RAB33B: variants seen among roughly 807,000 people sequenced by gnomAD.
RAB33B encodes ras-related protein Rab-33B.
A neutral mutation model predicts 15.0 loss-of-function variants in RAB33B; 6 were observed. The ratio of observed to expected loss-of-function variants is 0.40; its 90% confidence interval spans 0.22 to 0.79. The LOEUF is 0.79. Among genes scored for constraint, RAB33B ranks in the 30% least tolerant of loss-of-function variants. The pLI is 0.37. For missense variants in RAB33B, 257 were observed against 296.4 expected (o/e 0.87, Z 0.98); for synonymous variants, 117 against 108.3 (o/e 1.08, Z -0.50).
intron 1 of RAB33B, among the ~76,000 whole-genome samples, chr4:139,468,512 T>G (rs1237224913): frequency 6.6e-6 from 1 of 152,256 alleles, no homozygotes; most frequent in Non-Finnish European, 1.5e-5. Context: ...ATTGTATTGA[T>G]TATGTCTTGA....
intron 1 of RAB33B, among the ~76,000 whole-genome samples, chr4:139,461,360 A>G (rs886568804): frequency 6.6e-6 from 1 of 152,232 alleles, no homozygotes; most frequent in Non-Finnish European, 1.5e-5. Context: ...TGCATTCTCT[A>G]CAGAATCAGG....
In RAB33B at chr4:139,474,020, T is replaced by G. The variant is rs752137128; in HGVS notation, c.*894T>G. 5.4e-5 allele frequency: 8 copies of G among 148,966 alleles called. No individual in the cohort carries two copies. Among genetic ancestry groups the G allele is most frequent in the Non-Finnish European group, 1.0e-4 (7 of 67,498 alleles). The allele number at this position is 148,966 out of a possible 1,614,324, so 9.2% of individuals were successfully genotyped here. A position where few individuals can be genotyped will look rare whatever the true frequency, so the allele number is the denominator to read the frequency against. On this transcript the variant is annotated 3_prime_UTR_variant, in exon 2 of 2. Coordinates refer to ENST00000305626, the MANE Select transcript of RAB33B (RefSeq NM_031296.3). ...CCCAGGTTCAAGTGATTCTCCTGCC[T>G]CAGCCTCCCGAGTAGCTGGGATTAC...
At chr4:139,461,861 G>T (rs1750178927) in intron 1 of RAB33B, among the ~76,000 whole-genome samples, 1 of 151,306 alleles carries the variant, frequency 6.6e-6, no homozygotes, top group Admixed American at 6.6e-5. Flanking sequence ...CTGACTTCGT[G>T]CCACTGCACT....
chr4:139,472,270 A>G (rs1579183268), intron 1 of RAB33B, among the ~76,000 whole-genome samples: 1 of 152,206 alleles, frequency 6.6e-6, no homozygotes, highest in Non-Finnish European at 1.5e-5. Flanking sequence ...TCTCATAACA[A>G]CATCTTTCCT....
At chr4:139,452,295 A>C (rs1160442014), upstream of RAB33B, 1 of 152,264 alleles carries the variant, frequency 6.6e-6, no homozygotes, top group African/African-American at 2.4e-5. Flanking sequence ...TTCAAAGATT[A>C]AATTAGCAAT....
upstream of RAB33B, chr4:139,449,815 T>C (rs1471972545): frequency 3.9e-5 from 6 of 152,004 alleles, no homozygotes; most frequent in African/African-American, 1.5e-4. Flanking sequence ...CCTGGACTAA[T>C]AAAGAGAACG....
At chr4:139,440,615 A>AT in the RAB33B span, among the ~76,000 whole-genome samples, 3,361 of 144,716 alleles carry the variant, frequency 0.023, 67 homozygotes, top group African/African-American at 0.049. Flanking sequence ...AAATTGACCA[A>AT]TTTTTTTTTT....
upstream of RAB33B, chr4:139,448,995 G>A (rs13128827): frequency 0.28 from 42,384 of 152,044 alleles, 6,319 homozygotes; most frequent in African/African-American, 0.38. Context: ...GAGGACTTCC[G>A]TTTCTCCTCA....
intron 1 of RAB33B, among the ~76,000 whole-genome samples, chr4:139,457,869 C>T (rs74369523): frequency 1.4e-3 from 215 of 152,320 alleles, no homozygotes; most frequent in African/African-American, 5.0e-3. Context: ...CTTGTACTCT[C>T]ACCCCTCTCT....
At chr4:139,456,336 G>T (rs1401742810) in intron 1 of RAB33B, among the ~76,000 whole-genome samples, 5 of 152,172 alleles carry the variant, frequency 3.3e-5, no homozygotes, top group Non-Finnish European at 7.3e-5. Flanking sequence ...AGAGAATGAG[G>T]GTGGGGGAGG....
At chr4:139,447,768 G>A in the RAB33B span, among the ~76,000 whole-genome samples, 2 of 142,878 alleles carry the variant, frequency 1.4e-5, no homozygotes, top group African/African-American at 2.6e-5. Flanking sequence ...CCGGGTTCAC[G>A]CCATTCTCCT....
At chr4:139,469,814 C>A (rs567073709) in intron 1 of RAB33B, among the ~76,000 whole-genome samples, 1 of 152,180 alleles carries the variant, frequency 6.6e-6, no homozygotes, top group African/African-American at 2.4e-5. Context: ...GGCAGAGATG[C>A]GTGCTTCCTT....
chr4:139,445,572 C>CT, the RAB33B span, among the ~76,000 whole-genome samples: 6 of 152,188 alleles, frequency 3.9e-5, no homozygotes, highest in Non-Finnish European at 8.8e-5. Flanking sequence ...TTGGCCCCTC[C>CT]TATACCAAGA....
chr4:139,461,863 C>T (rs1750179057), intron 1 of RAB33B, among the ~76,000 whole-genome samples: 1 of 151,236 alleles, frequency 6.6e-6, no homozygotes, highest in Admixed American at 6.6e-5. Context: ...GACTTCGTGC[C>T]ACTGCACTCC....
chr4:139,441,322 A>AG, the RAB33B span, among the ~76,000 whole-genome samples: 2 of 152,228 alleles, frequency 1.3e-5, no homozygotes, highest in Admixed American at 6.5e-5. Flanking sequence ...GAGGGGAGTT[A>AG]CAGAGACACA....
chr4:139,469,616 G>A (rs1236157998), intron 1 of RAB33B, among the ~76,000 whole-genome samples: 1 of 152,142 alleles, frequency 6.6e-6, no homozygotes, highest in Non-Finnish European at 1.5e-5. Context: ...TTCACTGTCT[G>A]GGCTTATTTG....
upstream of RAB33B, chr4:139,453,806 G>T (rs574469792): frequency 1.4e-4 from 24 of 166,534 alleles, no homozygotes; most frequent in African/African-American, 5.5e-4. Flanking sequence ...GTGATTGCGC[G>T]GCTTCCTCCA....
chr4:139,473,118 T>C lies in RAB33B; in HGVS notation c.682T>C (p.Trp228Arg), dbSNP rs751390982. The C allele has an allele frequency of 2.5e-6, 4 of 1,595,292 alleles. No individual in the cohort carries two copies. Among genetic ancestry groups the C allele is most frequent in the Non-Finnish European group, 8.5e-7 (1 of 1,171,640 alleles). The change falls in exon 2 of 2, where the codon TGG (tryptophan) becomes CGG (arginine). Residue 228 changes from tryptophan to arginine, a missense_variant. Transcript: ENST00000305626. ...TGAACCAAAGCCTGCAATGACGTGC[T>C]GGTGCTAAATAACAGTCTTTATTAT... The part of the protein sequence containing the change: ...KPEPKPAMTC[W>R]C
chr4:139,473,021 G>A lies in RAB33B; in HGVS notation c.585G>A (p.Leu195=). ...NDHVEAIFMT[L]AHKLKSHKPL... Reference sequence around the variant, plus strand: ...ATGTGGAAGCTATATTTATGACCTTGGCTCATAAGCTTAAGAGCCACAAAC... The same window carrying A: ...ATGTGGAAGCTATATTTATGACCTTAGCTCATAAGCTTAAGAGCCACAAAC... Residue 195 remains leucine, a synonymous_variant, in exon 2 of 2, where the codon TTG becomes TTA. Coordinates refer to ENST00000305626, the MANE Select transcript of RAB33B (RefSeq NM_031296.3). 6.2e-7 allele frequency: 1 copy of A among 1,614,042 alleles called. No homozygotes were observed. Among genetic ancestry groups the A allele is most frequent in the Non-Finnish European group, 8.5e-7 (1 of 1,179,994 alleles).
Sources: allele counts gnomAD v4.1 joint callset (sites outside exome capture counted in the v4.1 genomes callset), GRCh38; gene constraint gnomAD v4.1.1; transcripts MANE v1.5; gene names NCBI Gene and HGNC (gene_info 2026-07-23, HGNC 2026-07-21).